The following RPS6KA2 variants were observed in gnomAD, a reference collection of about 807,000 sequenced individuals.
The protein encoded by RPS6KA2 is ribosomal protein S6 kinase alpha-2.
Under a neutral mutation model 91.8 loss-of-function variants are expected in RPS6KA2, and 42 were observed. The observed-to-expected ratio is 0.46, with a 90% CI of 0.36 to 0.59. The LOEUF (loss-of-function observed/expected upper bound fraction) is 0.59, where lower values mean the gene tolerates loss of function less well. Among genes scored for constraint, RPS6KA2 ranks in the 20% least tolerant of loss-of-function variants. The pLI is 0.00. For missense variants in RPS6KA2, 798 were observed against 978.5 expected (o/e 0.82, Z 2.46); for synonymous variants, 414 against 393.6 (o/e 1.05, Z -0.61).
intron 2 of RPS6KA2, among the ~76,000 whole-genome samples, chr6:166,769,936 A>T (rs1349577301): frequency 6.6e-6 from 1 of 152,228 alleles, no homozygotes; most frequent in Non-Finnish European, 1.5e-5. Flanking sequence ...TTTTAACCTT[A>T]TTATATTTTT....
Position 166,419,949 on chromosome 6 carries a change from G to A in RPS6KA2, c.1753C>T (p.Arg585Cys), listed in dbSNP as rs758524783. 5.0e-6 allele frequency: 8 copies of A among 1,613,716 alleles called. No individual in the cohort carries two copies. Among genetic ancestry groups the A allele is most frequent in the Admixed American group, 1.7e-5 (1 of 60,020 alleles). Residue 585 changes from arginine to cysteine, a missense_variant, in exon 18 of 21, where the codon CGT becomes TGT. By Grantham distance (180) the Arg-to-Cys change is radical. Coordinates refer to ENST00000265678, the MANE Select transcript of RPS6KA2 (RefSeq NM_021135.6). The surrounding 1 kb of genome is among the most constrained non-coding windows in gnomAD (Gnocchi z 5.6). ...TCACACGCCGCATCATAGCCTTGAC[G>A]CTTCAGGACCTAGGAGGGAACGACA... ...ANFVAPEVLK[R>C]QGYDAACDIW... is the part of the protein sequence containing the mutation.
chr6:166,491,620 A>G (rs1408703558), intron 8 of RPS6KA2, among the ~76,000 whole-genome samples: 1 of 152,210 alleles, frequency 6.6e-6, no homozygotes, highest in Admixed American at 6.5e-5. Context: ...AGGTGTTTCC[A>G]TGGTCTTATT....
At chr6:166,656,117 G>A (rs796145199) in intron 2 of RPS6KA2, among the ~76,000 whole-genome samples, 11 of 152,178 alleles carry the variant, frequency 7.2e-5, no homozygotes, top group South Asian at 2.1e-4. Context: ...AGAGAGACAC[G>A]GTGGAAGCTC....
In RPS6KA2 at chr6:166,490,807, C is replaced by T; in HGVS notation, c.748-66G>A. On this transcript the variant is annotated intron_variant, in intron 8 of 20. Transcript: ENST00000265678. The surrounding 1 kb of genome is among the most constrained non-coding windows in gnomAD (Gnocchi z 4.2). Reference sequence around the variant, plus strand: ...ATGGACCCGGCTTCACGGCAGAGTACCCCAGCAGGGCAGCCTGCTACCGTG... The same window carrying T: ...ATGGACCCGGCTTCACGGCAGAGTATCCCAGCAGGGCAGCCTGCTACCGTG... 1 of 1,245,644 alleles carries T rather than the reference C, an allele frequency of 8.0e-7. No individual in the cohort carries two copies. The highest frequency in any genetic ancestry group is 1.3e-5 in the South Asian group (1 of 79,836). 77.2% of individuals were successfully genotyped at this position (1,245,644 alleles called of 1,614,324 possible).
At chr6:166,647,943 C>G (rs552425729) in intron 2 of RPS6KA2, among the ~76,000 whole-genome samples, 1 of 145,612 alleles carries the variant, frequency 6.9e-6, no homozygotes, top group East Asian at 2.0e-4. Flanking sequence ...CATGCTCATA[C>G]ACACACATGC....
intron 2 of RPS6KA2, among the ~76,000 whole-genome samples, chr6:166,742,487 C>A (rs1465154489): frequency 1.3e-5 from 2 of 152,182 alleles, no homozygotes; most frequent in Non-Finnish European, 2.9e-5. Context: ...GTAATGCTAA[C>A]CTGCAACCAA....
rs139643904 is a variant in RPS6KA2, at chr6:166,704,034, T to C, written c.123+154166A>G. 4.4e-3 allele frequency among the ~76,000 whole-genome samples: 677 copies of C among 152,344 alleles called. 4 individuals are homozygous for C. The highest frequency in any genetic ancestry group is 0.016 in the African/African-American group (653 of 41,578). On this transcript the variant is annotated intron_variant, in intron 2 of 21. Coordinates refer to the RPS6KA2 transcript ENST00000503859. ...TATTATTTTCATTTAAAAGAAGATATTGGCTCACACTTCTTGCAGAAAGCT... is the reference window on the plus strand; with the variant it reads ...TATTATTTTCATTTAAAAGAAGATACTGGCTCACACTTCTTGCAGAAAGCT...
intron 1 of RPS6KA2, chr6:166,586,545 G>A (rs1785180690): frequency 6.8e-6 from 10 of 1,475,304 alleles, no homozygotes; most frequent in Non-Finnish European, 9.2e-6. Flanking sequence ...TCCGCCAAGG[G>A]CTATGTCTAT....
In RPS6KA2 at chr6:166,418,390, TAAAATAAAG is replaced by T; in HGVS notation, c.1821-57_1821-49del. 1 of 1,430,688 alleles carries T rather than the reference TAAAATAAAG, an allele frequency of 7.0e-7. No homozygotes were observed. The highest frequency in any genetic ancestry group is 9.8e-7 in the Non-Finnish European group (1 of 1,016,566). The allele number at this position is 1,430,688 out of a possible 1,614,324, so 88.6% of individuals were successfully genotyped here. A position where few individuals can be genotyped will look rare whatever the true frequency, so the allele number is the denominator to read the frequency against. ...GGTAATGAGCTTGTATTTTACAACCTAAAATAAAGTTTGCAAGTTGATATCACCCCTTGG... is the reference window on the plus strand; with the variant it reads ...GGTAATGAGCTTGTATTTTACAACCTTTTGCAAGTTGATATCACCCCTTGG... On this transcript the variant is annotated intron_variant, in intron 18 of 20. Coordinates refer to ENST00000265678, the MANE Select transcript of RPS6KA2 (RefSeq NM_021135.6). This position sits in a 1 kb window ranked among gnomAD's most constrained non-coding sequence, Gnocchi z 4.9.
chr6:166,795,219 C>T (rs1309558802), intron 2 of RPS6KA2, among the ~76,000 whole-genome samples: 6 of 152,084 alleles, frequency 3.9e-5, no homozygotes, highest in Non-Finnish European at 7.4e-5. Flanking sequence ...AATCATAAAG[C>T]CAGACCCATT....
In RPS6KA2 at chr6:166,423,058, A is replaced by AT. The variant is rs1778780920; in HGVS notation, c.1743+197dup. ...TTTTTCAAATGGGAAAATGAGAATGATAAGAACAACTACGTTTAAGCAAGA... is the reference window on the plus strand; with the variant it reads ...TTTTTCAAATGGGAAAATGAGAATGATTAAGAACAACTACGTTTAAGCAAGA... On this transcript the variant is annotated intron_variant, in intron 17 of 20. Transcript: ENST00000265678. The surrounding 1 kb of genome is among the most constrained non-coding windows in gnomAD (Gnocchi z 4.8). Among the ~76,000 whole-genome samples, 1 of 152,226 alleles carries AT rather than the reference A, an allele frequency of 6.6e-6. No homozygotes were observed. Among genetic ancestry groups the AT allele is most frequent in the Non-Finnish European group, 1.5e-5 (1 of 68,046 alleles).
chr6:166,762,573 T>C (rs1455674835), intron 2 of RPS6KA2, among the ~76,000 whole-genome samples: 1 of 152,170 alleles, frequency 6.6e-6, no homozygotes, highest in Non-Finnish European at 1.5e-5. Context: ...GATCTCGCAC[T>C]GGGCTGTAAG....
At position 166,459,119 on chromosome 6, in the gene RPS6KA2, G is replaced by A. The variant is rs1040109021; in HGVS notation, c.1075+330C>T. Among the ~76,000 whole-genome samples the A allele has an allele frequency of 2.6e-5, 4 of 152,170 alleles. No homozygotes were observed. The South Asian group carries it at 8.3e-4, about 32-fold the overall frequency. On this transcript the variant is annotated intron_variant, in intron 12 of 20. Transcript: ENST00000265678. The surrounding 1 kb of genome is among the most constrained non-coding windows in gnomAD (Gnocchi z 4.9). ...CCCTCTCCGTAAATGCACTTTAATTGAAAGAGGGATTTTAATTGCCTCCAG... is the reference window on the plus strand; with the variant it reads ...CCCTCTCCGTAAATGCACTTTAATTAAAAGAGGGATTTTAATTGCCTCCAG...
chr6:166,667,293 G>T (rs1386787795), intron 2 of RPS6KA2, among the ~76,000 whole-genome samples: 1 of 152,152 alleles, frequency 6.6e-6, no homozygotes, highest in Non-Finnish European at 1.5e-5. Context: ...TAAGTGTAAG[G>T]ATAAATGTAA....
chr6:166,647,849 C>A (rs540594768), intron 2 of RPS6KA2, among the ~76,000 whole-genome samples: 1 of 123,534 alleles, frequency 8.1e-6, no homozygotes, highest in African/African-American at 3.0e-5. Context: ...CACACGCACA[C>A]GCACATGCTC....
rs1023374441 is a variant in RPS6KA2 at position 166,757,374 on chromosome 6, C to T, written c.123+100826G>A. On this transcript the variant is annotated intron_variant, in intron 2 of 21. Coordinates refer to the RPS6KA2 transcript ENST00000503859. ...TGAGGACCTGCTCTTGGCACCGCTC[C>T]GAGACCTGTGTTCATGATCTGTGAG... Among the ~76,000 whole-genome samples, 6 of 152,182 alleles carry T rather than the reference C, an allele frequency of 3.9e-5. 1 individual carries two copies. The highest frequency in any genetic ancestry group is 3.9e-4 in the East Asian group (2 of 5,188).
intron 2 of RPS6KA2, among the ~76,000 whole-genome samples, chr6:166,703,548 G>A (rs896855240): frequency 1.3e-5 from 2 of 152,232 alleles, no homozygotes; most frequent in Non-Finnish European, 2.9e-5. Flanking sequence ...TCAGCAGCGT[G>A]TTACATCCAA....
At chr6:166,841,126 A>C (rs1174359472) in intron 2 of RPS6KA2, among the ~76,000 whole-genome samples, 1 of 148,006 alleles carries the variant, frequency 6.8e-6, no homozygotes. Flanking sequence ...ACAAAAAATA[A>C]AAAAAAAAAA....
intron 14 of RPS6KA2, among the ~76,000 whole-genome samples, chr6:166,443,720 T>C (rs774372223): frequency 3.9e-5 from 6 of 152,210 alleles, no homozygotes; most frequent in Non-Finnish European, 7.3e-5. Flanking sequence ...GCGCCACGTA[T>C]GGTCTATGCT....
Sources: allele counts gnomAD v4.1 joint callset (sites outside exome capture counted in the v4.1 genomes callset), GRCh38; gene constraint gnomAD v4.1.1; non-coding constraint Gnocchi (gnomAD v3.1); transcripts MANE v1.5; gene names NCBI Gene and HGNC (gene_info 2026-07-23, HGNC 2026-07-21).